Variants in CCDC82 observed in about 807,000 individuals in gnomAD.
The protein encoded by CCDC82 is coiled-coil domain-containing protein 82.
Under a neutral mutation model 60.6 loss-of-function variants are expected in CCDC82, and 47 were observed. The observed-to-expected ratio is 0.77, with a 90% CI of 0.61 to 0.99. The LOEUF (loss-of-function observed/expected upper bound fraction) is 0.99, where lower values mean the gene tolerates loss of function less well. CCDC82 is among the 50% of genes least tolerant of loss of function. CCDC82 has a pLI of 0.00. For missense variants in CCDC82, 588 were observed against 633.0 expected, an observed-to-expected ratio of 0.93 and a Z score of 0.76; for synonymous variants, 212 against 207.4, an observed-to-expected ratio of 1.02 and a Z score of -0.19.
intron 7 of CCDC82, among the ~76,000 whole-genome samples, chr11:96,370,411 A>G (rs1412967697): frequency 6.6e-6 from 1 of 152,198 alleles, no homozygotes; most frequent in African/African-American, 2.4e-5. Flanking sequence ...CTTATAAATT[A>G]AAAAGATAAA....
chr11:96,388,951 T>C (rs1329566810), intron 1 of CCDC82: 1 of 152,228 alleles, frequency 6.6e-6, no homozygotes, highest in Non-Finnish European at 1.5e-5. Flanking sequence ...ACATGGTCTC[T>C]GCTCCCAAGG....
At chr11:96,370,741 G>A (rs541791582) in intron 7 of CCDC82, among the ~76,000 whole-genome samples, 24 of 152,248 alleles carry the variant, frequency 1.6e-4, no homozygotes, top group Non-Finnish European at 2.5e-4. Flanking sequence ...TAACAACACC[G>A]TGTGAGACAA....
intron 9 of CCDC82, chr11:96,357,163 C>A (rs4753198): frequency 1.0e-6 from 1 of 985,126 alleles, no homozygotes; most frequent in Non-Finnish European, 1.2e-6. Context: ...TGTCAGAGCA[C>A]GTGACAAATT....
intron 9 of CCDC82, chr11:96,357,870 T>G: frequency 1.0e-6 from 1 of 985,244 alleles, no homozygotes; most frequent in Non-Finnish European, 1.2e-6. Context: ...GTAGGAGAAG[T>G]AGAAGCAAAG....
rs1864193750 is a variant in CCDC82 at position 96,353,622 on chromosome 11, A to G, written c.*24T>C. On this transcript the variant is annotated 3_prime_UTR_variant, in exon 10 of 10. Coordinates refer to ENST00000646818, the MANE Select transcript of CCDC82 (RefSeq NM_024725.4). ...GATCTTCACATTTACAGGAATTTAA[A>G]AAATCTTCTCTGATGGAAATGTGTT... is the stretch of plus-strand genomic sequence containing the variant. 1 of 1,556,028 alleles carries G rather than the reference A, an allele frequency of 6.4e-7. No individual in the cohort carries two copies. The highest frequency in any genetic ancestry group is 2.3e-5 in the East Asian group (1 of 44,424).
rs745337304 is a variant in CCDC82 at position 96,371,105 on chromosome 11, T to C, written c.1117A>G (p.Met373Val). The change falls in exon 7 of 10, where the codon ATG becomes GTG. Residue 373 changes from methionine to valine, a missense_variant. Met to Val is a conservative substitution (Grantham distance 21). Transcript: ENST00000646818. ...GTRQKSYAKD[M>V]LTSLHYLDNR... ...TCCAAATAATGAAGAGATGTTAGCA[T>C]ATCTTTTGCATATGATTTTTGCCTT... The C allele has an allele frequency of 1.9e-6, 3 of 1,600,674 alleles. No homozygotes were observed. The highest frequency in any genetic ancestry group is 1.1e-5 in the South Asian group (1 of 87,516).
At chr11:96,389,399 A>G (rs956387942) in intron 1 of CCDC82, 6 of 152,358 alleles carry the variant, frequency 3.9e-5, no homozygotes, top group South Asian at 2.1e-4. Flanking sequence ...AGCGCCCGCT[A>G]GCCCACTAGT....
intron 5 of CCDC82, among the ~76,000 whole-genome samples, chr11:96,375,835 C>A (rs952762857): frequency 6.6e-6 from 1 of 152,122 alleles, no homozygotes; most frequent in Admixed American, 6.5e-5. Flanking sequence ...AATCTCCCAT[C>A]TTAAGAAAAA....
chr11:96,376,775 T>A (rs1200273349), intron 5 of CCDC82, among the ~76,000 whole-genome samples: 1 of 152,168 alleles, frequency 6.6e-6, no homozygotes, highest in East Asian at 1.9e-4. Context: ...TTGGTTGCGA[T>A]TGTAGATGGA....
intron 9 of CCDC82, chr11:96,357,389 A>G: frequency 4.1e-6 from 4 of 985,210 alleles, no homozygotes; most frequent in Non-Finnish European, 3.6e-6. Flanking sequence ...GCCTAATGCT[A>G]AATGTTATTC....
At chr11:96,371,775 T>C (rs1416803984) in intron 6 of CCDC82, among the ~76,000 whole-genome samples, 3 of 152,222 alleles carry the variant, frequency 2.0e-5, no homozygotes, top group Non-Finnish European at 2.9e-5. Flanking sequence ...ATTCTACTGA[T>C]CCCATGGTAA....
intron 9 of CCDC82, chr11:96,356,955 G>C (rs1014533097): frequency 1.0e-6 from 1 of 985,348 alleles, no homozygotes; most frequent in African/African-American, 1.7e-5. Context: ...AACAAAAGGG[G>C]TTGACATAAA....
At chr11:96,361,142 A>G (rs922166630) in intron 8 of CCDC82, among the ~76,000 whole-genome samples, 1 of 152,224 alleles carries the variant, frequency 6.6e-6, no homozygotes, top group African/African-American at 2.4e-5. Context: ...CTATAAGGGT[A>G]CCCTGTGTGT....
Position 96,373,391 on chromosome 11 carries a change from A to G in CCDC82, c.1068T>C (p.Phe356=), listed in dbSNP as rs1340362785. 6.2e-7 allele frequency: 1 copy of G among 1,603,848 alleles called. No homozygotes were observed. The highest frequency in any genetic ancestry group is 8.5e-7 in the Non-Finnish European group (1 of 1,172,566). The change falls in exon 6 of 10, where the codon TTT becomes TTC. Residue 356 remains phenylalanine (F), a synonymous_variant. Transcript: ENST00000646818. The stretch of plus-strand genomic sequence containing the variant: ...TTAACTTACCATATAATGTTCCCAG[A>G]AAAGATTCATCTAAAGCGTTGATCA... ...ALLINALDES[F]LGTLYDGTRQ... is the part of the protein sequence containing the mutation.
chr11:96,377,922 C>T (rs994274390), intron 5 of CCDC82, among the ~76,000 whole-genome samples: 1 of 151,974 alleles, frequency 6.6e-6, no homozygotes, highest in African/African-American at 2.4e-5. Context: ...GAATTCATAT[C>T]TTATGTTTTC....
In CCDC82 at chr11:96,358,987, C is replaced by T. The variant is rs373043100; in HGVS notation, c.1566+6G>A. 3.7e-6 allele frequency: 6 copies of T among 1,601,806 alleles called. No homozygotes were observed. In the African/African-American group the frequency reaches 6.7e-5, roughly 18 times the overall value. On this transcript the variant is annotated splice_donor_region_variant and intron_variant, in intron 9 of 9. Transcript: ENST00000646818. The stretch of plus-strand genomic sequence containing the variant: ...ACATGATAAGATTCTCATATATTCA[C>T]CTTACCTCCTTAATCCAGCCATTTT...
intron 1 of CCDC82, chr11:96,389,344 G>C (rs1866402448): frequency 6.6e-6 from 1 of 152,156 alleles, no homozygotes; most frequent in African/African-American, 2.4e-5. Flanking sequence ...ACCCGGAAGG[G>C]TGACTTTCAT....
In CCDC82 at chr11:96,384,253, T is replaced by C. The variant is rs1292627318; in HGVS notation, c.495A>G (p.Gly165=). The C allele has an allele frequency of 6.2e-7, 1 of 1,613,884 alleles. No individual in the cohort carries two copies. The highest frequency in any genetic ancestry group is 1.3e-5 in the African/African-American group (1 of 75,024). Residue 165 remains glycine (G), a synonymous_variant, in exon 4 of 10, where the codon GGA becomes GGG. Coordinates refer to ENST00000646818, the MANE Select transcript of CCDC82 (RefSeq NM_024725.4). ...CTTCTAAATCATCCTCTATTATTTGTCCAGTTTGTTTGTTGAGATCATTAT... is the reference window on the plus strand; with the variant it reads ...CTTCTAAATCATCCTCTATTATTTGCCCAGTTTGTTTGTTGAGATCATTAT... ...QEDNDLNKQT[G]QIIEDDLEEE...
At chr11:96,357,999 C>G (rs1050324528) in intron 9 of CCDC82, 37 of 985,218 alleles carry the variant, frequency 3.8e-5, no homozygotes, top group Admixed American at 6.2e-5. Flanking sequence ...CAAAGGGAAA[C>G]CAGTGATGAT....
Sources: allele counts gnomAD v4.1 joint callset (sites outside exome capture counted in the v4.1 genomes callset), GRCh38; gene constraint gnomAD v4.1.1; transcripts MANE v1.5; gene names NCBI Gene and HGNC (gene_info 2026-07-23, HGNC 2026-07-21).